Variants in LDLRAD4 observed in about 807,000 individuals in gnomAD.
The protein encoded by LDLRAD4 is low-density lipoprotein receptor class A domain-containing protein 4.
Under a neutral mutation model 17.0 loss-of-function variants are expected in LDLRAD4, and 5 were observed. That is an observed-to-expected ratio of 0.29 (90% CI 0.15 to 0.62). The LOEUF is 0.62. LDLRAD4 is among the 20% of genes least tolerant of loss of function. The pLI is 0.84. For missense variants in LDLRAD4, 340 were observed against 424.7 expected, an observed-to-expected ratio of 0.80 and a Z score of 1.75; for synonymous variants, 168 against 171.8, an observed-to-expected ratio of 0.98 and a Z score of 0.17.
intron 2 of LDLRAD4, among the ~76,000 whole-genome samples, chr18:13,393,044 C>G (rs2086394582): frequency 6.6e-6 from 1 of 152,132 alleles, no homozygotes; most frequent in Non-Finnish European, 1.5e-5. Context: ...TGTAGGCTTG[C>G]TGGGGGTGTG....
chr18:13,496,461 A>G (rs2093471644), intron 3 of LDLRAD4, among the ~76,000 whole-genome samples: 1 of 152,222 alleles, frequency 6.6e-6, no homozygotes, highest in African/African-American at 2.4e-5. Context: ...GAAGATTTTT[A>G]ATACCATCTT....
At chr18:13,633,904 G>T (rs577434426) in intron 4 of LDLRAD4, among the ~76,000 whole-genome samples, 1 of 152,188 alleles carries the variant, frequency 6.6e-6, no homozygotes, top group African/African-American at 2.4e-5. Context: ...CACCGGCTCC[G>T]TGGAGCACAC....
chr18:13,467,309 C>A (rs573139616), intron 3 of LDLRAD4, among the ~76,000 whole-genome samples: 1 of 152,246 alleles, frequency 6.6e-6, no homozygotes, highest in East Asian at 1.9e-4. Flanking sequence ...TTGCTGGGAA[C>A]AACATCAACA....
chr18:13,470,160 C>G (rs944706437), intron 3 of LDLRAD4, among the ~76,000 whole-genome samples: 2 of 152,032 alleles, frequency 1.3e-5, no homozygotes, highest in African/African-American at 2.4e-5. Context: ...TTCAGTAAGC[C>G]CTTGACATCC....
At chr18:13,468,833 C>G (rs2092693360) in intron 3 of LDLRAD4, among the ~76,000 whole-genome samples, 1 of 126,826 alleles carries the variant, frequency 7.9e-6, no homozygotes, top group Non-Finnish European at 1.6e-5. Context: ...GGGAACATCA[C>G]ACACCGGGGC....
At chr18:13,348,665 C>A (rs1439405370) in intron 1 of LDLRAD4, among the ~76,000 whole-genome samples, 4 of 152,184 alleles carry the variant, frequency 2.6e-5, no homozygotes, top group Non-Finnish European at 5.9e-5. Flanking sequence ...GCCCTGCCCC[C>A]AGAGGTGGAG....
intron 3 of LDLRAD4, among the ~76,000 whole-genome samples, chr18:13,598,346 C>G (rs192487556): frequency 4.6e-5 from 7 of 152,308 alleles, no homozygotes; most frequent in Admixed American, 2.6e-4. Context: ...TGTTTCTTTG[C>G]TTCATATTTC....
intron 1 of LDLRAD4, among the ~76,000 whole-genome samples, chr18:13,356,723 C>T (rs1333079468): frequency 1.3e-5 from 2 of 152,228 alleles, no homozygotes; most frequent in African/African-American, 4.8e-5. Flanking sequence ...CACCATCTTC[C>T]TCCCTCCAGG....
chr18:13,573,322 C>G (rs1411058644), intron 3 of LDLRAD4, among the ~76,000 whole-genome samples: 2 of 151,174 alleles, frequency 1.3e-5, no homozygotes, highest in Non-Finnish European at 2.9e-5. Flanking sequence ...CCAGGGTGGT[C>G]TCGAACTCCT....
intron 1 of LDLRAD4, among the ~76,000 whole-genome samples, chr18:13,219,867 A>G (rs769204009): frequency 1.3e-5 from 2 of 152,204 alleles, no homozygotes; most frequent in Admixed American, 6.5e-5. Context: ...GCATCAAGTC[A>G]TGTCTGCATT....
At chr18:13,578,867 T>C (rs1363946365) in intron 3 of LDLRAD4, among the ~76,000 whole-genome samples, 1 of 127,474 alleles carries the variant, frequency 7.8e-6, no homozygotes. Flanking sequence ...TCAGAGATCA[T>C]GGTAGACCAC....
chr18:13,234,950 T>TA (rs888130713), intron 1 of LDLRAD4: 2 of 152,136 alleles, frequency 1.3e-5, no homozygotes, highest in Admixed American at 6.6e-5. Context: ...TATCAAGCTG[T>TA]AAAAAAATCA....
At chr18:13,236,474 TAA>T (rs1358842501) in intron 1 of LDLRAD4, 1 of 152,048 alleles carries the variant, frequency 6.6e-6, no homozygotes. Flanking sequence ...CACCCCAGGC[TAA>T]GTTTCTATTT....
chr18:13,234,225 T>G (rs1026456769), intron 1 of LDLRAD4, among the ~76,000 whole-genome samples: 2 of 152,126 alleles, frequency 1.3e-5, no homozygotes, highest in African/African-American at 4.8e-5. Context: ...CCTGTGCCCC[T>G]CGGGCCTCCC....
At chr18:13,463,091 A>T (rs536607739) in intron 3 of LDLRAD4, among the ~76,000 whole-genome samples, 1 of 152,196 alleles carries the variant, frequency 6.6e-6, no homozygotes, top group East Asian at 1.9e-4. Flanking sequence ...TCCACGAAAC[A>T]ATTGGTGACC....
intron 1 of LDLRAD4, among the ~76,000 whole-genome samples, chr18:13,272,976 G>A (rs1022837588): frequency 6.6e-6 from 1 of 152,234 alleles, no homozygotes; most frequent in East Asian, 1.9e-4. Context: ...CTAGGGAGCT[G>A]TGGTGCATCA....
At chr18:13,565,901 C>T (rs148340365) in intron 3 of LDLRAD4, among the ~76,000 whole-genome samples, 131 of 152,342 alleles carry the variant, frequency 8.6e-4, no homozygotes, top group African/African-American at 2.7e-3. Context: ...GTTGATCAAA[C>T]GTGGCTCTGA....
At chr18:13,435,058 A>G (rs558749263) in intron 2 of LDLRAD4, among the ~76,000 whole-genome samples, 143 of 152,352 alleles carry the variant, frequency 9.4e-4, no homozygotes, top group African/African-American at 3.2e-3. Flanking sequence ...CCTTTCTCCT[A>G]GGGTTATCAG....
chr18:13,483,135 G>T (rs2093133492), intron 3 of LDLRAD4, among the ~76,000 whole-genome samples: 1 of 152,154 alleles, frequency 6.6e-6, no homozygotes, highest in African/African-American at 2.4e-5. Flanking sequence ...ACCATATCTT[G>T]GGGTGTTGTT....
Sources: gnomAD v4.1 joint callset for allele counts (sites outside exome capture counted in the v4.1 genomes callset) on GRCh38, gnomAD v4.1.1 for gene constraint, MANE v1.5 for transcripts, NCBI Gene and HGNC (gene_info 2026-07-23, HGNC 2026-07-21) for gene names.